The following PCSK4 variants were observed in gnomAD, a reference collection of about 807,000 sequenced individuals.
The protein encoded by PCSK4 is testicular tissue protein Li 135.
In PCSK4, 64 loss-of-function variants were observed where a neutral mutation model predicts 80.3. The observed-to-expected ratio is 0.80, with a 90% confidence interval of 0.65 to 0.98. PCSK4 has a LOEUF of 0.98. Ranked by LOEUF, PCSK4 falls within the 50% of genes least tolerant of loss-of-function variation. The pLI is 0.00. For synonymous variants in PCSK4, 561 were observed against 487.6 expected (o/e 1.15, Z -1.98); for missense variants, 1,213 against 1,093.6 (o/e 1.11, Z -1.54).
exon 15 of PCSK4, chr19:1,482,087 C>G: frequency 1.3e-6 from 2 of 1,551,794 alleles, no homozygotes; most frequent in Non-Finnish European, 1.7e-6. Context: ...GGAGCAGACC[C>G]TCAGCGCGGG....
chr19:1,487,157 C>T (rs765952012), exon 7 of PCSK4: 18 of 1,605,792 alleles, frequency 1.1e-5, no homozygotes, highest in Middle Eastern at 1.6e-4. Flanking sequence ...CACACCACGC[C>T]GGAAGGCCTC....
intron 8 of PCSK4, among the ~76,000 whole-genome samples, chr19:1,486,226 C>G (rs1313848374): frequency 6.6e-6 from 1 of 151,968 alleles, no homozygotes; most frequent in Non-Finnish European, 1.5e-5. Context: ...ATCCACCCAC[C>G]TTGGTCTCCC....
At chr19:1,484,000 G>T in intron 9 of PCSK4, 27 bp downstream of exon 9, 2 of 1,505,524 alleles carry the variant, frequency 1.3e-6, no homozygotes. Flanking sequence ...GGGCGAGGGC[G>T]GTGGACCGGG....
chr19:1,489,625 T>C (rs1421253174), intron 2 of PCSK4, 168 bp downstream of exon 2: 1 of 1,246,866 alleles, frequency 8.0e-7, no homozygotes, highest in Non-Finnish European at 1.1e-6. Flanking sequence ...TTTCCGTATC[T>C]GGGTCTTCCT....
chr19:1,488,323 C>T, intron 2 of PCSK4, 43 bp from the exon 3 acceptor site: 1 of 1,521,726 alleles, frequency 6.6e-7, no homozygotes, highest in African/African-American at 1.4e-5. Context: ...CTGCTCGCCC[C>T]TGGGGCCCCT....
exon 2 of PCSK4, chr19:1,489,852 C>A: frequency 6.2e-7 from 1 of 1,610,880 alleles, no homozygotes; most frequent in Non-Finnish European, 8.5e-7. Context: ...GACTGCTGGA[C>A]CACGCCCCGG....
In PCSK4 at chr19:1,489,796, G is replaced by C. The variant is rs1220869511; in HGVS notation, c.291C>G (p.Pro97=). 1.9e-6 allele frequency: 3 copies of C among 1,609,968 alleles called. No individual in the cohort carries two copies. The East Asian group carries it at 6.7e-5, about 36-fold the overall frequency. The change falls in exon 2 of 15, where the codon CCC becomes CCG. Residue 97 remains proline (P), a synonymous_variant. Transcript: ENST00000300954. Reference sequence around the variant, plus strand: ...TTGGCCTCCAGGCCAGGCTCACCTTGGGGTTTTTCTTCAGGTGCAGGCGGT... The same window carrying C: ...TTGGCCTCCAGGCCAGGCTCACCTTCGGGTTTTTCTTCAGGTGCAGGCGGT...
At chr19:1,482,250 C>T (rs371520037) in intron 14 of PCSK4, 43 bp from the exon 15 acceptor site, 261 of 1,524,086 alleles carry the variant, frequency 1.7e-4, no homozygotes, top group Middle Eastern at 2.3e-4. Context: ...GCTTGCCACC[C>T]GCAGCCTGTT....
At chr19:1,483,897 G>C (rs2084458699) in exon 10 of PCSK4, 1 of 1,490,420 alleles carries the variant, frequency 6.7e-7, no homozygotes, top group Non-Finnish European at 8.9e-7. Flanking sequence ...CGGCTTGGAC[G>C]CGCGGACCAC....
intron 10 of PCSK4, 23 bp downstream of exon 10, chr19:1,483,815 G>GC: frequency 6.7e-7 from 1 of 1,487,234 alleles, no homozygotes; most frequent in Non-Finnish European, 8.9e-7. Context: ...CCGGGTCCCC[G>GC]CCCCCGCCCG....
At chr19:1,490,762 C>G (rs898523033), upstream of PCSK4, 1 of 200,288 alleles carries the variant, frequency 5.0e-6, no homozygotes, top group East Asian at 1.2e-4. Flanking sequence ...TAAGCCTCGC[C>G]CCGTTCCCGC....
At chr19:1,484,812 C>CA (rs2145365283) in intron 8 of PCSK4, among the ~76,000 whole-genome samples, 1 of 151,704 alleles carries the variant, frequency 6.6e-6, no homozygotes, top group East Asian at 1.9e-4. Context: ...GACTCCATCT[C>CA]AAAAAAATAA....
At chr19:1,483,297 G>A (rs1261770240) in exon 12 of PCSK4, 3 of 1,601,238 alleles carry the variant, frequency 1.9e-6, no homozygotes, top group Non-Finnish European at 2.6e-6. Flanking sequence ...ATGGCCACGA[G>A]TGTGGAGCGC....
At chr19:1,482,122 G>T in exon 15 of PCSK4, 1 of 1,554,712 alleles carries the variant, frequency 6.4e-7, no homozygotes, top group Non-Finnish European at 8.6e-7. Context: ...CAGGCCCAGC[G>T]GTCACCAGCC....
chr19:1,485,961 T>TTTTTG (rs75510508), intron 8 of PCSK4, among the ~76,000 whole-genome samples: 21 of 150,680 alleles, frequency 1.4e-4, no homozygotes, highest in South Asian at 2.1e-4. Context: ...GCTGGATTTG[T>TTTTTG]TTTTGTTTTG....
chr19:1,483,378 G>A lies in PCSK4; in HGVS notation c.1477C>T (p.Gln493Ter), dbSNP rs150531665. The change falls in exon 12 of 15, where the codon CAG becomes TAG. Residue 493 changes from glutamine (Q) to a stop codon, truncating the protein, a stop_gained. Transcript: ENST00000300954. LOFTEE classifies it high-confidence loss of function. ...CTGTAGGACAGCGTCAGCTGCGCCT[G>A]CACGTGCTCCAGCGAGCGGATGGAG... 1.4e-5 allele frequency: 22 copies of A among 1,607,374 alleles called. No individual in the cohort carries two copies. The African/African-American group carries it at 2.8e-4, about 20-fold the overall frequency.
Position 1,487,865 on chromosome 19 carries a change from G to A in PCSK4, c.517-4C>T. On this transcript the variant is annotated splice_region_variant and splice_polypyrimidine_tract_variant and intron_variant, in intron 4 of 14. Transcript: ENST00000300954. ...AGTCATAGCTGGCCAGGGGGTCCTG[G>A]GGGCAGGTGGGGATATGAGGGGGCC... The A allele has an allele frequency of 6.5e-7, 1 of 1,546,668 alleles. No individual in the cohort carries two copies. Among genetic ancestry groups the A allele is most frequent in the African/African-American group, 1.4e-5 (1 of 73,402 alleles).
chr19:1,483,496 G>C (rs749942478), intron 11 of PCSK4, 33 bp from the exon 12 acceptor site: 3 of 1,477,584 alleles, frequency 2.0e-6, no homozygotes, highest in Non-Finnish European at 2.8e-6. Flanking sequence ...ACCCTCCTGC[G>C]GCCTGCTGGG....
exon 12 of PCSK4, chr19:1,483,353 C>A: frequency 2.5e-6 from 4 of 1,609,940 alleles, no homozygotes; most frequent in Non-Finnish European, 3.4e-6. Context: ...TCCGCGCCGG[C>A]TGTAGGACAG....
Sources: allele counts gnomAD v4.1 joint callset (sites outside exome capture counted in the v4.1 genomes callset), GRCh38; gene constraint gnomAD v4.1.1; transcripts MANE v1.5; gene names NCBI Gene and HGNC (gene_info 2026-07-23, HGNC 2026-07-21).